The following CNTNAP2 variants were observed in gnomAD, a reference collection of about 807,000 sequenced individuals.
The protein encoded by CNTNAP2 is contactin associated protein 2.
In CNTNAP2, 98 loss-of-function variants were observed where a neutral mutation model predicts 155.2. That is an observed-to-expected ratio of 0.63 (90% confidence interval 0.54 to 0.75). CNTNAP2 has a LOEUF of 0.75. Among genes scored for constraint, CNTNAP2 ranks in the 30% least tolerant of loss-of-function variants. The probability of loss-of-function intolerance (pLI) is 0.00; values close to 1 mark genes in which losing one functional copy is unlikely to be tolerated. For missense variants in CNTNAP2, 1,727 were observed against 1,688.1 expected (o/e 1.02, Z -0.40); for synonymous variants, 651 against 631.2 (o/e 1.03, Z -0.47).
chr7:147,529,533 C>G (rs1562982478), intron 11 of CNTNAP2, among the ~76,000 whole-genome samples: 1 of 151,896 alleles, frequency 6.6e-6, no homozygotes, highest in Non-Finnish European at 1.5e-5. Flanking sequence ...AGCAAAGTAA[C>G]AATGCTGTTT....
chr7:146,577,699 C>G (rs1798546632), intron 1 of CNTNAP2, among the ~76,000 whole-genome samples: 1 of 151,888 alleles, frequency 6.6e-6, no homozygotes, highest in Non-Finnish European at 1.5e-5. Context: ...ATTTGTAAAG[C>G]AATTTCCTTT....
At chr7:147,804,500 G>A (rs1307249437) in intron 13 of CNTNAP2, among the ~76,000 whole-genome samples, 1 of 151,916 alleles carries the variant, frequency 6.6e-6, no homozygotes, top group Non-Finnish European at 1.5e-5. Context: ...CAGAGGCCCT[G>A]AGCATGACCT....
intron 1 of CNTNAP2, among the ~76,000 whole-genome samples, chr7:146,483,312 TATATATATATATATATAC>T (rs550274716): frequency 0.018 from 1,662 of 93,578 alleles, 99 homozygotes; most frequent in African/African-American, 0.075. Flanking sequence ...TATATATATA[TATATATATATATATATAC>T]ATATATATAT....
intron 9 of CNTNAP2, among the ~76,000 whole-genome samples, chr7:147,349,933 A>C (rs1362549154): frequency 1.3e-5 from 2 of 151,904 alleles, no homozygotes; most frequent in East Asian, 3.9e-4. Flanking sequence ...ATTATTTCAT[A>C]GTTACCACTA....
intron 18 of CNTNAP2, among the ~76,000 whole-genome samples, chr7:148,176,194 T>G (rs1213940832): frequency 1.3e-5 from 2 of 149,040 alleles, no homozygotes; most frequent in Non-Finnish European, 3.0e-5. Context: ...AAACCCTTTT[T>G]TCTTTTCTTT....
At chr7:147,465,485 T>C (rs994056448) in intron 10 of CNTNAP2, among the ~76,000 whole-genome samples, 1 of 152,354 alleles carries the variant, frequency 6.6e-6, no homozygotes, top group East Asian at 1.9e-4. Flanking sequence ...ATTTTTTATA[T>C]TATGCGCATA....
chr7:146,547,268 CTG>C (rs1798043283), intron 1 of CNTNAP2, among the ~76,000 whole-genome samples: 1 of 151,936 alleles, frequency 6.6e-6, no homozygotes, highest in South Asian at 2.1e-4. Flanking sequence ...TGACCTGAAA[CTG>C]TAATTTTTAT....
chr7:147,706,139 AT>A (rs1293365163), intron 13 of CNTNAP2, among the ~76,000 whole-genome samples: 2 of 137,868 alleles, frequency 1.5e-5, no homozygotes, highest in Non-Finnish European at 3.1e-5. Flanking sequence ...TTTCTCTCCT[AT>A]TGTTTATTAT....
chr7:147,132,182 G>A (rs955493899), intron 7 of CNTNAP2, 63 bp from the exon 8 acceptor site: 1 of 1,595,200 alleles, frequency 6.3e-7, no homozygotes, highest in African/African-American at 1.3e-5. Context: ...TTTCATCAGT[G>A]GTCTGACATG....
intron 1 of CNTNAP2, among the ~76,000 whole-genome samples, chr7:146,405,239 A>G (rs756497898): frequency 6.6e-6 from 1 of 152,148 alleles, no homozygotes; most frequent in Non-Finnish European, 1.5e-5. Context: ...TAAGTCAATA[A>G]GCATCCTACT....
At chr7:147,472,733 T>C (rs1256958851) in intron 10 of CNTNAP2, among the ~76,000 whole-genome samples, 1 of 152,126 alleles carries the variant, frequency 6.6e-6, no homozygotes, top group Non-Finnish European at 1.5e-5. Context: ...TTGTTAATGA[T>C]TGATGCAGAA....
intron 22 of CNTNAP2, among the ~76,000 whole-genome samples, chr7:148,408,299 A>C (rs1031398911): frequency 6.6e-6 from 1 of 152,192 alleles, no homozygotes; most frequent in African/African-American, 2.4e-5. Flanking sequence ...CAAGTCTAAA[A>C]GAGAAAGGAT....
chr7:147,649,187 T>A (rs1475888483), intron 13 of CNTNAP2, among the ~76,000 whole-genome samples: 1 of 152,160 alleles, frequency 6.6e-6, no homozygotes, highest in Non-Finnish European at 1.5e-5. Flanking sequence ...GAGGTGAGAC[T>A]TTGATTTTGT....
intron 2 of CNTNAP2, among the ~76,000 whole-genome samples, chr7:146,821,332 C>T (rs1803278654): frequency 2.0e-5 from 3 of 152,192 alleles, no homozygotes; most frequent in Admixed American, 2.0e-4. Context: ...TTAGTGCTTC[C>T]TTCAGGAGCT....
chr7:146,843,052 C>A (rs1168599745), intron 3 of CNTNAP2, among the ~76,000 whole-genome samples: 1 of 92,624 alleles, frequency 1.1e-5, no homozygotes, highest in Non-Finnish European at 1.9e-5. Context: ...GTCGCCCAGG[C>A]CGGACTGCGG....
chr7:148,077,098 G>A (rs940260441), intron 15 of CNTNAP2, among the ~76,000 whole-genome samples: 4 of 151,946 alleles, frequency 2.6e-5, no homozygotes, highest in South Asian at 2.1e-4. Context: ...ACCTGAGGTC[G>A]GGAGTTCGAT....
intron 3 of CNTNAP2, among the ~76,000 whole-genome samples, chr7:146,929,860 G>T (rs1354496358): frequency 6.6e-6 from 1 of 152,176 alleles, no homozygotes; most frequent in Non-Finnish European, 1.5e-5. Flanking sequence ...TGAAATAAAT[G>T]AAATGAAGCG....
intron 1 of CNTNAP2, among the ~76,000 whole-genome samples, chr7:146,476,619 A>G (rs1408662432): frequency 6.6e-6 from 1 of 152,182 alleles, no homozygotes; most frequent in African/African-American, 2.4e-5. Context: ...TGTCTGCTAG[A>G]GTACAGATGA....
intron 1 of CNTNAP2, among the ~76,000 whole-genome samples, chr7:146,662,747 T>C (rs73470679): frequency 0.056 from 8,479 of 152,302 alleles, 339 homozygotes; most frequent in African/African-American, 0.12. Flanking sequence ...ATTTTACATT[T>C]AGGTCTATGA....
Sources: allele counts gnomAD v4.1 joint callset (sites outside exome capture counted in the v4.1 genomes callset), GRCh38; gene constraint gnomAD v4.1.1; transcripts MANE v1.5; gene names NCBI Gene and HGNC (gene_info 2026-07-23, HGNC 2026-07-21).